Variants in TMEM209 observed in about 807,000 individuals in gnomAD.
The protein encoded by TMEM209 is testicular tissue protein Li 202.
Under a neutral mutation model 76.2 loss-of-function variants are expected in TMEM209, and 65 were observed. That is an observed-to-expected ratio of 0.85 (90% confidence interval 0.70 to 1.05). The LOEUF is 1.05. Among genes scored for constraint, TMEM209 ranks in the 50% least tolerant of loss-of-function variants. The pLI is 0.00. For synonymous variants in TMEM209, 239 were observed against 237.6 expected (o/e 1.01, Z -0.06); for missense variants, 623 against 685.5 (o/e 0.91, Z 1.02).
In TMEM209 at chr7:130,165,512, T is replaced by C. The variant is rs1200697429; in HGVS notation, c.*939A>G. The C allele has an allele frequency of 1.3e-5, 2 of 152,134 alleles. No homozygotes were observed. The highest frequency in any genetic ancestry group is 3.8e-4 in the East Asian group (2 of 5,204). 9.4% of individuals were successfully genotyped at this position (152,134 alleles called of 1,614,324 possible). A position where few individuals can be genotyped will look rare whatever the true frequency, so the allele number is the denominator to read the frequency against. On this transcript the variant is annotated 3_prime_UTR_variant, in exon 15 of 15. Transcript: ENST00000397622. Reference sequence around the variant, plus strand: ...AGTTTTCCTGATGTCCTCACACTCTTAACTAAAACCCAAATTAAAACTACC... The same window carrying C: ...AGTTTTCCTGATGTCCTCACACTCTCAACTAAAACCCAAATTAAAACTACC...
chr7:130,184,897 T>C (rs556957133), intron 7 of TMEM209, among the ~76,000 whole-genome samples: 1 of 152,374 alleles, frequency 6.6e-6, no homozygotes, highest in South Asian at 2.1e-4. Context: ...GCAAGACTTC[T>C]GTATGTGTTA....
intron 13 of TMEM209, among the ~76,000 whole-genome samples, chr7:130,172,998 C>CAAA (rs67876495): frequency 3.2e-4 from 28 of 86,592 alleles, no homozygotes; most frequent in South Asian, 4.5e-4. Context: ...GACTCTATCT[C>CAAA]AAAAAAAAAA....
At chr7:130,171,998 A>G (rs1797084702) in intron 13 of TMEM209, among the ~76,000 whole-genome samples, 1 of 152,010 alleles carries the variant, frequency 6.6e-6, no homozygotes, top group South Asian at 2.1e-4. Context: ...ACACCACTGC[A>G]CTCCAGCCTG....
chr7:130,196,460 A>G (rs765630187), intron 5 of TMEM209, among the ~76,000 whole-genome samples: 6 of 152,218 alleles, frequency 3.9e-5, no homozygotes. Context: ...GAATAAAAAC[A>G]TAATCCTGTG....
intron 3 of TMEM209, among the ~76,000 whole-genome samples, chr7:130,202,906 T>G (rs745573265): frequency 6.6e-6 from 1 of 151,602 alleles, no homozygotes; most frequent in Non-Finnish European, 1.5e-5. Context: ...CTGGCCAACA[T>G]AGTGAAACCC....
intron 4 of TMEM209, among the ~76,000 whole-genome samples, 180 bp downstream of exon 4, chr7:130,202,352 G>T (rs1477949068): frequency 1.3e-5 from 2 of 152,182 alleles, no homozygotes; most frequent in African/African-American, 4.8e-5. Flanking sequence ...AAACTTCCAT[G>T]AAATAGCTGA....
chr7:130,174,512 G>C (rs1797173506), intron 11 of TMEM209, among the ~76,000 whole-genome samples: 1 of 152,070 alleles, frequency 6.6e-6, no homozygotes, highest in African/African-American at 2.4e-5. Context: ...TTTTTGCTAA[G>C]TGGATCATTC....
intron 13 of TMEM209, 126 bp downstream of exon 13, chr7:130,173,506 T>C (rs1797139873): frequency 1.5e-6 from 1 of 664,660 alleles, no homozygotes. Flanking sequence ...AATATATATG[T>C]AGGAAACACA....
At chr7:130,192,917 C>T in intron 5 of TMEM209, 94 bp from the exon 6 acceptor site, 1 of 1,162,906 alleles carries the variant, frequency 8.6e-7, no homozygotes, top group Non-Finnish European at 1.2e-6. Flanking sequence ...AGTAGAATGG[C>T]GAAAATCCAC....
intron 6 of TMEM209, among the ~76,000 whole-genome samples, chr7:130,190,482 C>T (rs887827232): frequency 2.0e-5 from 3 of 150,570 alleles, no homozygotes; most frequent in Non-Finnish European, 4.4e-5. Flanking sequence ...CGCACCACTG[C>T]ACTCCAGCCT....
chr7:130,202,496 T>C lies in TMEM209; in HGVS notation c.331+36A>G, dbSNP rs1230011511. On this transcript the variant is annotated intron_variant, in intron 4 of 14. Transcript: ENST00000397622. ...AACTGAGAAAGATTTATTGCCAACC[T>C]TTTCCCCACCTTTGCAAGAGATATA... 4.5e-6 allele frequency: 7 copies of C among 1,566,262 alleles called. No homozygotes were observed. In the African/African-American group the frequency reaches 8.2e-5, roughly 18 times the overall value.
chr7:130,197,743 T>G (rs558784270), intron 5 of TMEM209, among the ~76,000 whole-genome samples: 1 of 152,340 alleles, frequency 6.6e-6, no homozygotes, highest in South Asian at 2.1e-4. Context: ...AAATATTCAT[T>G]TTGGTTTACA....
chr7:130,188,369 G>A (rs1377892179), intron 6 of TMEM209, among the ~76,000 whole-genome samples: 1 of 152,092 alleles, frequency 6.6e-6, no homozygotes, highest in African/African-American at 2.4e-5. Context: ...GGCCAAGGCG[G>A]GCGGATCACA....
In TMEM209 at chr7:130,202,539, T is replaced by C. The variant is rs779275076; in HGVS notation, c.324A>G (p.Lys108=). ...GAGATATAAAACACTCACCAGCTGTTTTCAACCCTAAAAGTGTTTGCTGTC... is the reference window on the plus strand; with the variant it reads ...GAGATATAAAACACTCACCAGCTGTCTTCAACCCTAAAAGTGTTTGCTGTC... ...SPGQQTLLGL[K]TAVVQTTPPH... is the part of the protein sequence containing the mutation. Residue 108 remains lysine (K), a synonymous_variant, in exon 4 of 15, where the codon AAA becomes AAG. Coordinates refer to ENST00000397622, the MANE Select transcript of TMEM209 (RefSeq NM_032842.4). 38 of 1,609,500 alleles carry C rather than the reference T, an allele frequency of 2.4e-5. No homozygotes were observed. The highest frequency in any genetic ancestry group is 2.9e-5 in the Non-Finnish European group (34 of 1,178,652).
intron 3 of TMEM209, among the ~76,000 whole-genome samples, chr7:130,203,228 A>C (rs542988810): frequency 6.6e-6 from 1 of 152,346 alleles, no homozygotes; most frequent in African/African-American, 2.4e-5. Context: ...TGACTCTTAC[A>C]AGAGTAGAGA....
chr7:130,190,288 C>T (rs1216682544), intron 6 of TMEM209, among the ~76,000 whole-genome samples: 2 of 152,020 alleles, frequency 1.3e-5, no homozygotes, highest in African/African-American at 2.4e-5. Context: ...GAGGCCGAGG[C>T]GGGCAGATCA....
chr7:130,166,194 G>T lies in TMEM209; in HGVS notation c.*257C>A, dbSNP rs1360637126. On this transcript the variant is annotated 3_prime_UTR_variant, in exon 15 of 15. Transcript: ENST00000397622. ...CACTATTTTGAGTCAATAAAAATCC[G>T]AAGGGTTGCAGTTTTGTAGTCAACT... 1 of 300,890 alleles carries T rather than the reference G, an allele frequency of 3.3e-6. No individual in the cohort carries two copies. 18.6% of individuals were successfully genotyped at this position (300,890 alleles called of 1,614,324 possible).
intron 5 of TMEM209, among the ~76,000 whole-genome samples, chr7:130,196,245 A>G (rs1222289860): frequency 6.6e-6 from 1 of 151,982 alleles, no homozygotes; most frequent in Non-Finnish European, 1.5e-5. Flanking sequence ...AGGGCCCTAC[A>G]GTCTTCTGGG....
At chr7:130,198,415 A>T (rs1364082423) in intron 5 of TMEM209, among the ~76,000 whole-genome samples, 1 of 152,170 alleles carries the variant, frequency 6.6e-6, no homozygotes, top group Non-Finnish European at 1.5e-5. Flanking sequence ...GTTGGAGACC[A>T]GCCTGGCCAA....
Sources: allele counts gnomAD v4.1 joint callset (sites outside exome capture counted in the v4.1 genomes callset), GRCh38; gene constraint gnomAD v4.1.1; transcripts MANE v1.5; gene names NCBI Gene and HGNC (gene_info 2026-07-23, HGNC 2026-07-21).